PRKCB: variants seen among roughly 807,000 people sequenced by gnomAD.
PRKCB encodes protein kinase C beta, also known as protein kinase C beta type.
In PRKCB, 13 loss-of-function variants were observed where a neutral mutation model predicts 81.5. The observed-to-expected ratio is 0.16, with a 90% CI of 0.10 to 0.25. The LOEUF is 0.25. PRKCB is among the 10% of genes least tolerant of loss of function. The pLI is 1.00. For missense variants in PRKCB, 509 were observed against 875.7 expected (o/e 0.58, Z 5.29); for synonymous variants, 335 against 321.4 (o/e 1.04, Z -0.45).
rs1968294504 is a variant in PRKCB at position 24,219,850 on chromosome 16, C to A, written c.*5034C>A. 1.4e-6 allele frequency: 2 copies of A among 1,434,388 alleles called. No individual in the cohort carries two copies. Among genetic ancestry groups the A allele is most frequent in the African/African-American group, 2.9e-5 (2 of 69,444 alleles). 88.9% of individuals were successfully genotyped at this position (1,434,388 alleles called of 1,614,324 possible). A position where few individuals can be genotyped will look rare whatever the true frequency, so the allele number is the denominator to read the frequency against. On this transcript the variant is annotated 3_prime_UTR_variant, in exon 17 of 17. Transcript: ENST00000643927. ...GCTGCTAAAAATTTTCAGCACAGGG[C>A]TCTTTCTGACTCTGCTCATGAGATG...
intron 3 of PRKCB, among the ~76,000 whole-genome samples, chr16:24,027,301 C>T (rs1338177015): frequency 6.6e-6 from 1 of 152,188 alleles, no homozygotes; most frequent in Admixed American, 6.5e-5. Flanking sequence ...GAACTCCCAA[C>T]TTTAAGGTGA....
intron 5 of PRKCB, among the ~76,000 whole-genome samples, chr16:24,075,256 A>C (rs920222752): frequency 6.6e-6 from 1 of 152,152 alleles, no homozygotes; most frequent in African/African-American, 2.4e-5. Context: ...AAACACTTCC[A>C]TTATTTTAGA....
At chr16:23,978,654 C>T (rs1235728672) in intron 2 of PRKCB, among the ~76,000 whole-genome samples, 1 of 152,126 alleles carries the variant, frequency 6.6e-6, no homozygotes, top group African/African-American at 2.4e-5. Context: ...AGTGGAGTGA[C>T]AAGAGATGAG....
At chr16:23,866,988 CTTCCTTCCCTTCCTTCCT>C (rs1962805953) in intron 2 of PRKCB, among the ~76,000 whole-genome samples, 2 of 65,270 alleles carry the variant, frequency 3.1e-5, no homozygotes, top group Non-Finnish European at 6.0e-5. Context: ...CCTTCCTTCC[CTTCCTTCCCTTCCTTCCT>C]TCCTTCCTTC....
chr16:23,869,796 C>A (rs577452629), intron 2 of PRKCB, among the ~76,000 whole-genome samples: 12 of 152,116 alleles, frequency 7.9e-5, no homozygotes, highest in Non-Finnish European at 1.5e-4. Flanking sequence ...CTGAGGTGGG[C>A]GGATCACCTG....
intron 2 of PRKCB, among the ~76,000 whole-genome samples, chr16:23,924,912 A>G (rs893913012): frequency 1.6e-4 from 24 of 152,102 alleles, no homozygotes; most frequent in African/African-American, 4.6e-4. Context: ...AGACCCACCC[A>G]ATCACATGTT....
In PRKCB at chr16:24,180,936, C is replaced by A. The variant is rs756558083; in HGVS notation, c.1533+8C>A. On this transcript the variant is annotated splice_region_variant and intron_variant, in intron 13 of 16. Transcript: ENST00000643927. Reference sequence around the variant, plus strand: ...GACTACATCGCCCCCGAGGTGAGAGCTGCTGGGCACACGTTCACATTGCGG... The same window carrying A: ...GACTACATCGCCCCCGAGGTGAGAGATGCTGGGCACACGTTCACATTGCGG... 5.0e-6 allele frequency: 8 copies of A among 1,613,284 alleles called. No individual in the cohort carries two copies. Among genetic ancestry groups the A allele is most frequent in the Non-Finnish European group, 6.8e-6 (8 of 1,179,594 alleles).
At chr16:23,879,482 CTTTTTTTTTTTTTTTTTTTTTT>C (rs546638229) in intron 2 of PRKCB, among the ~76,000 whole-genome samples, 7 of 83,198 alleles carry the variant, frequency 8.4e-5, no homozygotes, top group Admixed American at 2.9e-4. Context: ...TTTAGCTATC[CTTTTTTTTTTTTTTTTTTTTTT>C]TTTTTTTTTT....
At chr16:23,978,821 C>T (rs547298608) in intron 2 of PRKCB, among the ~76,000 whole-genome samples, 1 of 152,358 alleles carries the variant, frequency 6.6e-6, no homozygotes, top group East Asian at 1.9e-4. Context: ...CATGTGGCAT[C>T]AAGCACTTGA....
At chr16:23,870,398 T>C (rs553451562) in intron 2 of PRKCB, among the ~76,000 whole-genome samples, 2 of 152,358 alleles carry the variant, frequency 1.3e-5, no homozygotes, top group Admixed American at 1.3e-4. Context: ...TGCCAGGTAC[T>C]CTTCAAGATA....
chr16:23,857,112 T>C (rs186801270), intron 2 of PRKCB, among the ~76,000 whole-genome samples: 4 of 152,336 alleles, frequency 2.6e-5, no homozygotes, highest in Non-Finnish European at 2.9e-5. Context: ...ATCTTTCAGC[T>C]TTAACATATC....
intron 2 of PRKCB, among the ~76,000 whole-genome samples, chr16:23,867,008 CCT>C (rs1362844062): frequency 1.4e-5 from 1 of 71,310 alleles, no homozygotes; most frequent in African/African-American, 6.0e-5. Context: ...TTCCTTCCTT[CCT>C]TCCTTCCTTC....
At chr16:24,196,452 C>T (rs1967881225) in intron 16 of PRKCB, among the ~76,000 whole-genome samples, 1 of 152,120 alleles carries the variant, frequency 6.6e-6, no homozygotes, top group Admixed American at 6.6e-5. Flanking sequence ...GCAGTGTGTG[C>T]TGGGAGAGGG....
chr16:24,166,474 C>A lies in PRKCB; in HGVS notation c.1240-5796C>A, dbSNP rs568906718. Among the ~76,000 whole-genome samples the A allele has an allele frequency of 7.2e-5, 11 of 152,218 alleles. No individual in the cohort carries two copies. The East Asian group carries it at 2.1e-3, about 29-fold the overall frequency. On this transcript the variant is annotated intron_variant, in intron 10 of 16. Coordinates refer to ENST00000643927, the MANE Select transcript of PRKCB (RefSeq NM_002738.7). ...TATGACTCCATGAATTTTACTCCCC[C>A]TCTCCAGCAATAATAGCCATCAAAT...
chr16:23,982,427 C>CT lies in PRKCB; in HGVS notation c.206-6073dup, dbSNP rs890625654. On this transcript the variant is annotated intron_variant, in intron 2 of 16. Coordinates refer to ENST00000643927, the MANE Select transcript of PRKCB (RefSeq NM_002738.7). ...TTCCCTTCCCCTTCTCTTCTCTTTT[C>CT]TTTTTTTTCTGGAGTCAGGGTCTCA... Among the ~76,000 whole-genome samples, 52 of 146,146 alleles carry CT rather than the reference C, an allele frequency of 3.6e-4. No individual in the cohort carries two copies. The South Asian group carries it at 4.6e-3, about 13-fold the overall frequency.
chr16:23,916,449 G>A (rs1015884082), intron 2 of PRKCB, among the ~76,000 whole-genome samples: 3 of 151,870 alleles, frequency 2.0e-5, no homozygotes, highest in African/African-American at 7.3e-5. Context: ...ATTAAATTTC[G>A]AATAGTTATA....
intron 5 of PRKCB, among the ~76,000 whole-genome samples, chr16:24,062,997 T>G (rs1229696711): frequency 6.6e-6 from 1 of 151,928 alleles, no homozygotes; most frequent in Non-Finnish European, 1.5e-5. Flanking sequence ...ATGGTAGGAA[T>G]GAGAAGATGC....
chr16:24,097,186 G>A (rs141348096), intron 7 of PRKCB, among the ~76,000 whole-genome samples: 1,909 of 151,924 alleles, frequency 0.013, 12 homozygotes, highest in Non-Finnish European at 0.021. Flanking sequence ...ACAGGTGCCC[G>A]CCACCACGCC....
At chr16:24,122,242 C>A (rs1966806561) in intron 8 of PRKCB, among the ~76,000 whole-genome samples, 1 of 151,924 alleles carries the variant, frequency 6.6e-6, no homozygotes, top group African/African-American at 2.4e-5. Flanking sequence ...GGGGTAAGAG[C>A]ATGTTTGGTG....
Sources: gnomAD v4.1 joint callset for allele counts (sites outside exome capture counted in the v4.1 genomes callset) on GRCh38, gnomAD v4.1.1 for gene constraint, MANE v1.5 for transcripts, NCBI Gene and HGNC (gene_info 2026-07-23, HGNC 2026-07-21) for gene names.